Variants in PCDHGA8 observed in about 807,000 individuals in gnomAD.
PCDHGA8 encodes protocadherin gamma-A8.
In PCDHGA8, 45 loss-of-function variants were observed where a neutral mutation model predicts 59.2. That is an observed-to-expected ratio of 0.76 (90% confidence interval 0.60 to 0.98). PCDHGA8 has a LOEUF of 0.98. Among genes scored for constraint, PCDHGA8 ranks in the 50% least tolerant of loss-of-function variants. The pLI, the probability that PCDHGA8 is intolerant of heterozygous loss-of-function variation, is 0.00. For synonymous variants in PCDHGA8, 531 were observed against 519.0 expected, an observed-to-expected ratio of 1.02 and a Z score of -0.32; for missense variants, 1,257 against 1,196.2, an observed-to-expected ratio of 1.05 and a Z score of -0.75.
At chr5:141,440,822 A>T (rs1561900737) in intron 1 of PCDHGA8, 2 of 152,058 alleles carry the variant, frequency 1.3e-5, no homozygotes, top group Non-Finnish European at 2.9e-5. Context: ...TCAACTCCTG[A>T]TCCTATTGGT....
Position 141,431,215 on chromosome 5 carries a change from C to T in PCDHGA8, c.2424+35978C>T, listed in dbSNP as rs1225114172. On this transcript the variant is annotated intron_variant, in intron 1 of 3. Transcript: ENST00000398604. The surrounding 1 kb of genome is among the most constrained non-coding windows in gnomAD (Gnocchi z 4.8). ...AAAATGCAGCCACTGAGATGCGGTT[C>T]CCTCTACCCCACGCCTGGGATCCGG... is the stretch of plus-strand genomic sequence containing the variant. 2.5e-6 allele frequency: 4 copies of T among 1,614,066 alleles called. No homozygotes were observed. The highest frequency in any genetic ancestry group is 1.3e-5 in the African/African-American group (1 of 74,942).
intron 1 of PCDHGA8, chr5:141,415,086 G>C: frequency 5.6e-6 from 9 of 1,613,554 alleles, no homozygotes; most frequent in Non-Finnish European, 6.8e-6. Context: ...GAGCCCTGCT[G>C]GACAGAGACG....
At position 141,490,124 on chromosome 5, in the gene PCDHGA8, T is replaced by C. The variant is rs1216088470; in HGVS notation, c.2425-4683T>C. On this transcript the variant is annotated intron_variant, in intron 1 of 3. Transcript: ENST00000398604. The surrounding 1 kb of genome is among the most constrained non-coding windows in gnomAD (Gnocchi z 5.4). ...GAGGCAGTGCGGAACCTCTTTGGCCTAGACCCTAGCAGTGGGGCAATCCAT... is the reference window on the plus strand; with the variant it reads ...GAGGCAGTGCGGAACCTCTTTGGCCCAGACCCTAGCAGTGGGGCAATCCAT... 6.2e-7 allele frequency: 1 copy of C among 1,614,144 alleles called. No individual in the cohort carries two copies. Among genetic ancestry groups the C allele is most frequent in the Non-Finnish European group, 8.5e-7 (1 of 1,180,054 alleles).
rs1317111249 is a variant in PCDHGA8, at chr5:141,413,333, C to A, written c.2424+18096C>A. 3.1e-6 allele frequency: 5 copies of A among 1,613,966 alleles called. No individual in the cohort carries two copies. The Admixed American group carries it at 6.7e-5, about 22-fold the overall frequency. On this transcript the variant is annotated intron_variant, in intron 1 of 3. Coordinates refer to ENST00000398604, the MANE Select transcript of PCDHGA8 (RefSeq NM_032088.2). ...AAAGGCTCTTTCGTGGGCAACATCTCCAAGGACTTGGGTCTGGCGCCCCGG... is the reference window on the plus strand; with the variant it reads ...AAAGGCTCTTTCGTGGGCAACATCTACAAGGACTTGGGTCTGGCGCCCCGG...
intron 1 of PCDHGA8, among the ~76,000 whole-genome samples, chr5:141,445,132 G>T (rs921068835): frequency 2.6e-5 from 4 of 152,026 alleles, no homozygotes; most frequent in Non-Finnish European, 5.9e-5. Flanking sequence ...TTTTAAAATT[G>T]TATCTTCTAA....
rs759945612 is a variant in PCDHGA8 at position 141,409,754 on chromosome 5, C to T, written c.2424+14517C>T. ...GCAGAGCGGGGTGGTGTTCGCGCAG[C>T]GCGCCTTTGATCACGAGCAGCTGCG... On this transcript the variant is annotated intron_variant, in intron 1 of 3. Coordinates refer to ENST00000398604, the MANE Select transcript of PCDHGA8 (RefSeq NM_032088.2). 3 of 1,612,880 alleles carry T rather than the reference C, an allele frequency of 1.9e-6. No individual in the cohort carries two copies. In the Admixed American group the frequency reaches 5.0e-5, roughly 27 times the overall value.
At chr5:141,481,795 T>C (rs2154579318) in intron 1 of PCDHGA8, among the ~76,000 whole-genome samples, 1 of 150,244 alleles carries the variant, frequency 6.7e-6, no homozygotes, top group South Asian at 2.1e-4. Context: ...CTACTAAAAA[T>C]ACAAAAATTC....
In PCDHGA8 at chr5:141,408,857, G is replaced by T. The variant is rs372861749; in HGVS notation, c.2424+13620G>T. 1.9e-5 allele frequency: 30 copies of T among 1,613,424 alleles called. No homozygotes were observed. Among genetic ancestry groups the T allele is most frequent in the Non-Finnish European group, 2.5e-5 (29 of 1,179,810 alleles). ...GATATTGACTGCCTTGGACGGAGGG[G>T]ACCCACCAAGAAGTGCCACCGCTCA... On this transcript the variant is annotated intron_variant, in intron 1 of 3. Coordinates refer to ENST00000398604, the MANE Select transcript of PCDHGA8 (RefSeq NM_032088.2).
At position 141,394,836 on chromosome 5, in the gene PCDHGA8, T is replaced by C. The variant is rs116789057; in HGVS notation, c.2023T>C (p.Leu675=). ...CAGCATCCCCGAAGTCCTGACCGAG[T>C]TGGGCAGTCTGAAGCCTTCGGTCGA... is the stretch of plus-strand genomic sequence containing the variant. The part of the protein sequence containing the change: ...ADSIPEVLTE[L]GSLKPSVDPN... The change falls in exon 1 of 4, where the codon TTG becomes CTG. Residue 675 remains leucine, a synonymous_variant. Coordinates refer to ENST00000398604, the MANE Select transcript of PCDHGA8 (RefSeq NM_032088.2). 14 of 1,613,630 alleles carry C rather than the reference T, an allele frequency of 8.7e-6. No individual in the cohort carries two copies. The highest frequency in any genetic ancestry group is 1.1e-5 in the South Asian group (1 of 91,082).
At chr5:141,475,987 C>A in intron 1 of PCDHGA8, 2 of 1,101,540 alleles carry the variant, frequency 1.8e-6, no homozygotes, top group Non-Finnish European at 2.6e-6. Flanking sequence ...AGCCGGCGAG[C>A]AAATCAACGG....
At chr5:141,483,660 G>T (rs943362284) in intron 1 of PCDHGA8, among the ~76,000 whole-genome samples, 4 of 152,094 alleles carry the variant, frequency 2.6e-5, no homozygotes, top group Admixed American at 2.0e-4. Flanking sequence ...GTGTGTGTGT[G>T]TGTGTGTGTA....
chr5:141,423,438 C>T lies in PCDHGA8; in HGVS notation c.2424+28201C>T, dbSNP rs2096741369. 5 of 1,613,942 alleles carry T rather than the reference C, an allele frequency of 3.1e-6. No homozygotes were observed. In the East Asian group the frequency reaches 8.9e-5, roughly 29 times the overall value. On this transcript the variant is annotated intron_variant, in intron 1 of 3. Transcript: ENST00000398604. Reference sequence around the variant, plus strand: ...CTGAAGGCGGGTTGGCAGGTATGCCCACGTCACATTTTGTAGGCGTGGACG... The same window carrying T: ...CTGAAGGCGGGTTGGCAGGTATGCCTACGTCACATTTTGTAGGCGTGGACG...
intron 1 of PCDHGA8, among the ~76,000 whole-genome samples, chr5:141,436,832 C>T (rs1242760381): frequency 6.6e-6 from 1 of 152,172 alleles, no homozygotes; most frequent in African/African-American, 2.4e-5. Flanking sequence ...ATCTTAAGTG[C>T]CTAGGCACAT....
At position 141,487,635 on chromosome 5, in the gene PCDHGA8, A is replaced by C. The variant is rs1594699829; in HGVS notation, c.2425-7172A>C. 1.2e-6 allele frequency: 2 copies of C among 1,614,204 alleles called. No individual in the cohort carries two copies. Among genetic ancestry groups the C allele is most frequent in the Non-Finnish European group, 1.7e-6 (2 of 1,180,034 alleles). On this transcript the variant is annotated intron_variant, in intron 1 of 3. Transcript: ENST00000398604. The surrounding 1 kb of genome is among the most constrained non-coding windows in gnomAD (Gnocchi z 5.0). Reference sequence around the variant, plus strand: ...CTAGAGGTGAGACCTTTGCAGGCTCAACAAATGCTTGAGGGTTATTCTGAT... The same window carrying C: ...CTAGAGGTGAGACCTTTGCAGGCTCCACAAATGCTTGAGGGTTATTCTGAT...
chr5:141,489,776 C>T lies in PCDHGA8; in HGVS notation c.2425-5031C>T. The T allele has an allele frequency of 6.2e-7, 1 of 1,614,202 alleles. No homozygotes were observed. Among genetic ancestry groups the T allele is most frequent in the Non-Finnish European group, 8.5e-7 (1 of 1,180,020 alleles). On this transcript the variant is annotated intron_variant, in intron 1 of 3. Transcript: ENST00000398604. This position sits in a 1 kb window ranked among gnomAD's most constrained non-coding sequence, Gnocchi z 4.5. ...ACTCTAAGCCCCAACAGCCACTTCT[C>T]TCTGAATGTGAAGACCCTAAAAGAT...
chr5:141,487,452 T>A lies in PCDHGA8; in HGVS notation c.2425-7355T>A, dbSNP rs778695562. 40 of 1,614,046 alleles carry A rather than the reference T, an allele frequency of 2.5e-5. No homozygotes were observed. The highest frequency in any genetic ancestry group is 3.4e-5 in the Non-Finnish European group (40 of 1,180,004). On this transcript the variant is annotated intron_variant, in intron 1 of 3. Coordinates refer to ENST00000398604, the MANE Select transcript of PCDHGA8 (RefSeq NM_032088.2). This position sits in a 1 kb window ranked among gnomAD's most constrained non-coding sequence, Gnocchi z 5.0. ...ATCCAGCTAGGGTCAGATGACCCTA[T>A]CAAGTTTGTTGATGTGGGAGGCCAC... is the stretch of plus-strand genomic sequence containing the variant.
intron 3 of PCDHGA8, among the ~76,000 whole-genome samples, chr5:141,509,952 C>T (rs954730777): frequency 7.2e-5 from 11 of 152,186 alleles, no homozygotes; most frequent in African/African-American, 2.2e-4. Flanking sequence ...CAAATGCTAC[C>T]GGGTATGGCC....
In PCDHGA8 at chr5:141,423,579, G is replaced by A. The variant is rs760902886; in HGVS notation, c.2424+28342G>A. 6 of 1,613,378 alleles carry A rather than the reference G, an allele frequency of 3.7e-6. No homozygotes were observed. In the East Asian group the frequency reaches 1.3e-4, roughly 36 times the overall value. ...ATGGGGACACGCTCATCAGCCAGGA[G>A]AGCTGTGAGAAAAGCGAGCCACTCT... On this transcript the variant is annotated intron_variant, in intron 1 of 3. Transcript: ENST00000398604.
intron 1 of PCDHGA8, among the ~76,000 whole-genome samples, chr5:141,482,530 C>CAAAAAAAAAAAAAA (rs3074545): frequency 1.2e-4 from 9 of 76,558 alleles, no homozygotes; most frequent in African/African-American, 3.8e-4. Flanking sequence ...GACAGACATG[C>CAAAAAAAAAAAAAA]AAAAAAAAAA....
Sources: allele counts gnomAD v4.1 joint callset (sites outside exome capture counted in the v4.1 genomes callset), GRCh38; gene constraint gnomAD v4.1.1; non-coding constraint Gnocchi (gnomAD v3.1); transcripts MANE v1.5; gene names NCBI Gene and HGNC (gene_info 2026-07-23, HGNC 2026-07-21).